Variants in COL24A1 observed in about 807,000 individuals in gnomAD.
COL24A1 encodes the protein collagen type XXIV alpha 1 chain, also known as collagen alpha-1(XXIV) chain.
In COL24A1, 224 loss-of-function variants were observed where a neutral mutation model predicts 253.9. That is an observed-to-expected ratio of 0.88 (90% CI 0.79 to 0.99). The LOEUF is 0.99. COL24A1 is among the 50% of genes least tolerant of loss of function. The probability of loss-of-function intolerance (pLI) is 0.00; values close to 1 mark genes in which losing one functional copy is unlikely to be tolerated. For missense variants in COL24A1, 2,131 were observed against 2,068.5 expected (o/e 1.03, Z -0.59); for synonymous variants, 685 against 673.7 (o/e 1.02, Z -0.26).
intron 2 of COL24A1, among the ~76,000 whole-genome samples, chr1:86,135,327 T>C (rs928546165): frequency 2.6e-5 from 4 of 152,160 alleles, no homozygotes; most frequent in South Asian, 2.1e-4. Context: ...TGTCTTTTAA[T>C]TGGAGCATTT....
chr1:86,019,785 G>A (rs1436366725), intron 18 of COL24A1, among the ~76,000 whole-genome samples: 2 of 152,014 alleles, frequency 1.3e-5, no homozygotes, highest in African/African-American at 2.4e-5. Flanking sequence ...AGTACAGAAA[G>A]GTGTAAAATG....
intron 7 of COL24A1, among the ~76,000 whole-genome samples, chr1:86,085,313 C>A (rs148830877): frequency 2.0e-5 from 3 of 152,238 alleles, no homozygotes; most frequent in African/African-American, 4.8e-5. Flanking sequence ...TGAACAAATT[C>A]TCTCAAAATA....
At chr1:86,099,646 C>A (rs961965925) in intron 5 of COL24A1, among the ~76,000 whole-genome samples, 1 of 152,116 alleles carries the variant, frequency 6.6e-6, no homozygotes, top group Admixed American at 6.5e-5. Flanking sequence ...AATCTACCAG[C>A]AAATCATGTT....
chr1:85,886,736 T>C (rs111363127), intron 32 of COL24A1, among the ~76,000 whole-genome samples: 3 of 152,198 alleles, frequency 2.0e-5, no homozygotes, highest in African/African-American at 7.2e-5. Flanking sequence ...ATCTGTGATA[T>C]ATTAATAGAT....
chr1:85,762,109 G>C (rs1246756530), intron 53 of COL24A1, among the ~76,000 whole-genome samples: 2 of 152,116 alleles, frequency 1.3e-5, no homozygotes, highest in African/African-American at 4.8e-5. Flanking sequence ...AATGTCAAAA[G>C]TTATGTTGAC....
At chr1:85,768,877 C>T (rs868543291) in intron 53 of COL24A1, among the ~76,000 whole-genome samples, 4 of 152,024 alleles carry the variant, frequency 2.6e-5, no homozygotes, top group East Asian at 1.9e-4. Context: ...ATTATGTATC[C>T]GGTGCTATAA....
At chr1:85,951,545 G>T (rs536185685) in intron 24 of COL24A1, among the ~76,000 whole-genome samples, 1 of 152,290 alleles carries the variant, frequency 6.6e-6, no homozygotes, top group East Asian at 1.9e-4. Context: ...AAGTTGGAAA[G>T]TGTAGGAATA....
At chr1:85,786,330 C>T (rs780939084) in intron 48 of COL24A1, 24 bp downstream of exon 48, 8 of 1,601,800 alleles carry the variant, frequency 5.0e-6, no homozygotes, top group Admixed American at 3.3e-5. Flanking sequence ...ACTGCTTACC[C>T]ATTGGAACAA....
rs555449821 is a variant in COL24A1 at position 85,957,853 on chromosome 1, A to T, written c.2562+3396T>A. Among the ~76,000 whole-genome samples, 10 of 152,310 alleles carry T rather than the reference A, an allele frequency of 6.6e-5. 1 individual carries two copies. The South Asian group carries it at 2.1e-3, about 32-fold the overall frequency. On this transcript the variant is annotated intron_variant, in intron 24 of 59. Transcript: ENST00000370571. ...TTTAGCGATTGTTCATTGACCTTAC[A>T]TTCAAGTGCAAAGTAATAAACATGG... is the stretch of plus-strand genomic sequence containing the variant.
rs60994639 is a variant in COL24A1, at chr1:85,885,397, A to ATATATTTTTT, written c.2976+4162_2976+4163insAAAAAATATA. Reference sequence around the variant, plus strand: ...TGTGTGTATATATATATATATATATATTTTTTTTTTAAGTAGAAACTAAAT... The same window carrying ATATATTTTTT: ...TGTGTGTATATATATATATATATATATATATTTTTTTTTTTTTTTTAAGTAGAAACTAAAT... On this transcript the variant is annotated intron_variant, in intron 32 of 59. Coordinates refer to ENST00000370571, the MANE Select transcript of COL24A1 (RefSeq NM_152890.7). Among the ~76,000 whole-genome samples the ATATATTTTTT allele has an allele frequency of 5.1e-3, 663 of 128,812 alleles. 7 individuals carry two copies. Among genetic ancestry groups the ATATATTTTTT allele is most frequent in the East Asian group, 0.03 (136 of 4,522 alleles). 84.5% of individuals were successfully genotyped at this position (128,812 alleles called of 152,430 possible). A position where few individuals can be genotyped will look rare whatever the true frequency, so the allele number is the denominator to read the frequency against.
rs144677201 is a variant in COL24A1 at position 86,018,851 on chromosome 1, G to T, written c.2257-1647C>A. Among the ~76,000 whole-genome samples the T allele has an allele frequency of 4.1e-3, 621 of 151,978 alleles. 5 individuals carry two copies. Among genetic ancestry groups the T allele is most frequent in the African/African-American group, 0.012 (504 of 41,532 alleles). ...GAAAGTGTATTTACGAACAACCTCA[G>T]AGTGGTAGTTTTCTCTATTTTTTTT... On this transcript the variant is annotated intron_variant, in intron 18 of 59. Coordinates refer to ENST00000370571, the MANE Select transcript of COL24A1 (RefSeq NM_152890.7).
chr1:85,802,001 C>T (rs1435163111), intron 47 of COL24A1, among the ~76,000 whole-genome samples: 2 of 152,156 alleles, frequency 1.3e-5, no homozygotes, highest in Non-Finnish European at 1.5e-5. Flanking sequence ...AAGCCACCTC[C>T]TAAATAGTAC....
intron 5 of COL24A1, among the ~76,000 whole-genome samples, chr1:86,111,689 C>T (rs1274380876): frequency 6.6e-6 from 1 of 152,180 alleles, no homozygotes; most frequent in African/African-American, 2.4e-5. Context: ...AATCTTGCTG[C>T]TGCTAACTCT....
chr1:86,120,971 G>C (rs1429349911), intron 3 of COL24A1, among the ~76,000 whole-genome samples: 4 of 152,172 alleles, frequency 2.6e-5, no homozygotes, highest in African/African-American at 7.2e-5. Flanking sequence ...CTTAAAAAAG[G>C]ATGAGTTCAT....
chr1:86,110,811 G>A (rs755762003), intron 5 of COL24A1, among the ~76,000 whole-genome samples: 9 of 151,818 alleles, frequency 5.9e-5, no homozygotes, highest in African/African-American at 1.5e-4. Context: ...AGCCCACCAT[G>A]CCCGACCCCC....
intron 42 of COL24A1, among the ~76,000 whole-genome samples, chr1:85,839,082 C>T (rs1036416689): frequency 2.0e-5 from 3 of 151,850 alleles, no homozygotes; most frequent in Non-Finnish European, 1.5e-5. Flanking sequence ...TGACTATAGT[C>T]CCAGCTACTT....
intron 53 of COL24A1, among the ~76,000 whole-genome samples, chr1:85,773,677 T>C (rs985131923): frequency 1.5e-4 from 23 of 152,170 alleles, no homozygotes; most frequent in African/African-American, 5.5e-4. Context: ...TATTTGTCTG[T>C]TATTGGTGTA....
intron 25 of COL24A1, among the ~76,000 whole-genome samples, chr1:85,910,701 G>A (rs1346359470): frequency 1.3e-5 from 2 of 151,894 alleles, no homozygotes; most frequent in Non-Finnish European, 2.9e-5. Flanking sequence ...TGAGAATGTA[G>A]TACATGAGAG....
In COL24A1 at chr1:86,156,704, G is replaced by A. The variant is rs1653675439; in HGVS notation, c.-308C>T. The A allele has an allele frequency of 3.9e-6, 1 of 259,598 alleles. No individual in the cohort carries two copies. The highest frequency in any genetic ancestry group is 7.2e-6 in the Non-Finnish European group (1 of 138,344). The allele number at this position is 259,598 out of a possible 1,614,324, so 16.1% of individuals were successfully genotyped here. On this transcript the variant is annotated 5_prime_UTR_variant, in exon 1 of 60. Coordinates refer to ENST00000370571, the MANE Select transcript of COL24A1 (RefSeq NM_152890.7). Reference sequence around the variant, plus strand: ...GGGAGGCCTCGGGGCGCCGGCGGCAGCGGGAGCCGGGCTGCTAGTGCAGCA... The same window carrying A: ...GGGAGGCCTCGGGGCGCCGGCGGCAACGGGAGCCGGGCTGCTAGTGCAGCA...
Sources: gnomAD v4.1 joint callset for allele counts (sites outside exome capture counted in the v4.1 genomes callset) on GRCh38, gnomAD v4.1.1 for gene constraint, MANE v1.5 for transcripts, NCBI Gene and HGNC (gene_info 2026-07-23, HGNC 2026-07-21) for gene names.